The following BIRC6 variants were observed in gnomAD, a reference collection of about 807,000 sequenced individuals.
BIRC6 encodes dual E2 ubiquitin-conjugating enzyme/E3 ubiquitin-protein ligase BIRC6.
In BIRC6, 98 loss-of-function variants were observed where a neutral mutation model predicts 503.3. The ratio of observed to expected loss-of-function variants is 0.19; its 90% confidence interval spans 0.17 to 0.23. BIRC6 has a LOEUF of 0.23. BIRC6 is among the 10% of genes least tolerant of loss of function. The pLI, the probability that BIRC6 is intolerant of heterozygous loss-of-function variation, is 1.00. For missense variants in BIRC6, 5,360 were observed against 5,806.0 expected (o/e 0.92, Z 2.50); for synonymous variants, 2,240 against 2,078.7 (o/e 1.08, Z -2.11).
intron 66 of BIRC6, among the ~76,000 whole-genome samples, chr2:32,582,107 C>G (rs370293855): frequency 1.3e-5 from 2 of 152,164 alleles, no homozygotes; most frequent in Admixed American, 6.5e-5. Flanking sequence ...GATCTGCCCC[C>G]CTCCGCCTCC....
chr2:32,415,149 TCTC>T lies in BIRC6; in HGVS notation c.1862_1864del (p.Pro621del). ...ATCCTGCACTAATTCAGAACTAAAT[TCTC>T]CTCTGGTAAGGAGGACTTTACCGGT... is the stretch of plus-strand genomic sequence containing the variant. On this transcript the variant is annotated inframe_deletion, in exon 10 of 74. Transcript: ENST00000421745. 6.2e-7 allele frequency: 1 copy of T among 1,613,904 alleles called. No homozygotes were observed. The highest frequency in any genetic ancestry group is 8.5e-7 in the Non-Finnish European group (1 of 1,179,868).
chr2:32,365,335 T>TG (rs2034737998), intron 1 of BIRC6, among the ~76,000 whole-genome samples: 1 of 151,832 alleles, frequency 6.6e-6, no homozygotes, highest in African/African-American at 2.4e-5. Context: ...TACTTTTTTT[T>TG]TTTTTTTGAG....
intron 15 of BIRC6, among the ~76,000 whole-genome samples, chr2:32,439,063 A>G (rs537564482): frequency 2.0e-5 from 3 of 152,310 alleles, no homozygotes; most frequent in South Asian, 2.1e-4. Flanking sequence ...CGTCAGTACT[A>G]TAATGCTATG....
intron 46 of BIRC6, among the ~76,000 whole-genome samples, chr2:32,500,906 A>G (rs1278057355): frequency 1.4e-5 from 2 of 145,958 alleles, no homozygotes; most frequent in African/African-American, 5.0e-5. Context: ...CGCCCTGCCA[A>G]TTTTTTTTTT....
At chr2:32,541,549 A>C (rs1004427348) in intron 61 of BIRC6, among the ~76,000 whole-genome samples, 2 of 152,144 alleles carry the variant, frequency 1.3e-5, no homozygotes, top group Admixed American at 6.5e-5. Context: ...CTATCAGTCT[A>C]CTAAAGTCAT....
chr2:32,543,191 C>G (rs1273014053), intron 61 of BIRC6, 50 bp from the exon 62 acceptor site: 1 of 1,528,408 alleles, frequency 6.5e-7, no homozygotes, highest in African/African-American at 1.4e-5. Flanking sequence ...TACTTTGAAT[C>G]TGATGTTGAA....
At chr2:32,550,294 C>T (rs2058340275) in intron 65 of BIRC6, among the ~76,000 whole-genome samples, 3 of 152,240 alleles carry the variant, frequency 2.0e-5, no homozygotes, top group Non-Finnish European at 2.9e-5. Flanking sequence ...TGGTTGGTAG[C>T]AGCTAAGTGA....
chr2:32,447,752 GGCTCTTCACTTCCCAGTA>G (rs2148488560), intron 21 of BIRC6, among the ~76,000 whole-genome samples: 1 of 31,660 alleles, frequency 3.2e-5, no homozygotes, highest in Admixed American at 2.4e-4. Flanking sequence ...CGGGCAGAGG[GGCTCTTCACTTCCCAGTA>G]GGGGCGGCCG....
intron 10 of BIRC6, among the ~76,000 whole-genome samples, chr2:32,423,794 T>C (rs544565356): frequency 6.6e-6 from 1 of 152,300 alleles, no homozygotes; most frequent in African/African-American, 2.4e-5. Flanking sequence ...TACTCACCAT[T>C]CTGAGTAGTG....
intron 56 of BIRC6, 91 bp downstream of exon 56, chr2:32,518,488 C>G (rs577180766): frequency 1.7e-5 from 22 of 1,324,020 alleles, no homozygotes; most frequent in Non-Finnish European, 2.1e-5. Flanking sequence ...GTTCTAACTT[C>G]GAGTATAGCA....
intron 63 of BIRC6, among the ~76,000 whole-genome samples, chr2:32,547,306 GTATT>G (rs1026729501): frequency 4.6e-5 from 7 of 151,986 alleles, no homozygotes; most frequent in Admixed American, 2.6e-4. Flanking sequence ...TTGAAAATTT[GTATT>G]TATTTATGTG....
chr2:32,573,434 G>C (rs2060053098), intron 65 of BIRC6, among the ~76,000 whole-genome samples: 2 of 152,130 alleles, frequency 1.3e-5, no homozygotes, highest in Non-Finnish European at 2.9e-5. Flanking sequence ...GACCCCCGGT[G>C]ATCCATCAGC....
At chr2:32,567,299 T>A (rs755365933) in intron 65 of BIRC6, among the ~76,000 whole-genome samples, 1 of 152,236 alleles carries the variant, frequency 6.6e-6, no homozygotes, top group African/African-American at 2.4e-5. Context: ...TTTAAAAAAA[T>A]GTTTTTCTTT....
intron 37 of BIRC6, among the ~76,000 whole-genome samples, chr2:32,480,892 G>T (rs987311330): frequency 1.4e-4 from 22 of 151,804 alleles, no homozygotes; most frequent in Admixed American, 1.3e-3. Context: ...TACCTGCCTC[G>T]GCCTCCCAAA....
chr2:32,445,847 T>C (rs1315072534), intron 21 of BIRC6, among the ~76,000 whole-genome samples, 179 bp downstream of exon 21: 1 of 152,148 alleles, frequency 6.6e-6, no homozygotes, highest in African/African-American at 2.4e-5. Flanking sequence ...TTCTGTTTTG[T>C]CAGAAATTAC....
intron 71 of BIRC6, among the ~76,000 whole-genome samples, chr2:32,607,107 T>TA (rs200315273): frequency 5.3e-4 from 79 of 148,276 alleles, no homozygotes; most frequent in Admixed American, 1.2e-3. Context: ...ATAAAACAAC[T>TA]AAAAAAAAAA....
At chr2:32,615,627 ATTTAT>A (rs756137493) in intron 73 of BIRC6, among the ~76,000 whole-genome samples, 70 of 151,968 alleles carry the variant, frequency 4.6e-4, no homozygotes, top group Middle Eastern at 6.8e-3. Flanking sequence ...TTTAGTTTTT[ATTTAT>A]TTTATTTTAT....
At chr2:32,523,715 T>G (rs1475554193) in intron 57 of BIRC6, among the ~76,000 whole-genome samples, 1 of 152,210 alleles carries the variant, frequency 6.6e-6, no homozygotes, top group East Asian at 1.9e-4. Flanking sequence ...CTCAACCTTT[T>G]TAACATAAAA....
intron 72 of BIRC6, among the ~76,000 whole-genome samples, chr2:32,609,211 T>C (rs889865271): frequency 9.9e-5 from 15 of 152,034 alleles, no homozygotes; most frequent in Non-Finnish European, 1.8e-4. Context: ...GGAAAAAAAT[T>C]GGATGATATG....
Sources: gnomAD v4.1 joint callset for allele counts (sites outside exome capture counted in the v4.1 genomes callset) on GRCh38, gnomAD v4.1.1 for gene constraint, MANE v1.5 for transcripts, NCBI Gene and HGNC (gene_info 2026-07-23, HGNC 2026-07-21) for gene names.